Variants in SPTLC1 observed in about 807,000 individuals in gnomAD.
SPTLC1 encodes the protein serine palmitoyltransferase 1.
A neutral mutation model predicts 68.9 loss-of-function variants in SPTLC1; 55 were observed. That is an observed-to-expected ratio of 0.80 (90% CI 0.64 to 1.00). The LOEUF (loss-of-function observed/expected upper bound fraction) is 1.00. SPTLC1 is among the 50% of genes least tolerant of loss of function. SPTLC1 has a pLI of 0.00. For missense variants in SPTLC1, 449 were observed against 573.1 expected (o/e 0.78, Z 2.21); for synonymous variants, 197 against 201.6 (o/e 0.98, Z 0.19).
chr9:92,111,049 C>T (rs938893805), intron 2 of SPTLC1: 1 of 152,164 alleles, frequency 6.6e-6, no homozygotes, highest in African/African-American at 2.4e-5. Flanking sequence ...AACATCACCT[C>T]TTCTAATCCA....
chr9:92,037,506 CG>C (rs924429538), intron 13 of SPTLC1, among the ~76,000 whole-genome samples: 3 of 152,170 alleles, frequency 2.0e-5, no homozygotes, highest in Non-Finnish European at 4.4e-5. Flanking sequence ...TCCCACTGCC[CG>C]TCCTGAGTCC....
chr9:92,075,450 A>G (rs1473612364), intron 5 of SPTLC1, among the ~76,000 whole-genome samples: 1 of 152,158 alleles, frequency 6.6e-6, no homozygotes, highest in Non-Finnish European at 1.5e-5. Context: ...AAGGCCCTAG[A>G]GGCAACCCCT....
intron 3 of SPTLC1, among the ~76,000 whole-genome samples, chr9:92,088,272 T>C (rs1290438734): frequency 6.6e-6 from 1 of 152,242 alleles, no homozygotes; most frequent in Non-Finnish European, 1.5e-5. Context: ...GCCCACTGTC[T>C]GGCACTCCCT....
chr9:92,062,323 T>C (rs1834135725), intron 6 of SPTLC1, among the ~76,000 whole-genome samples: 1 of 151,958 alleles, frequency 6.6e-6, no homozygotes, highest in Non-Finnish European at 1.5e-5. Context: ...AACTTAGTAA[T>C]CCTAAATATG....
At chr9:92,067,868 T>A in intron 6 of SPTLC1, 98 bp downstream of exon 6, 1 of 1,424,864 alleles carries the variant, frequency 7.0e-7, no homozygotes, top group Non-Finnish European at 9.8e-7. Context: ...AAAAGCAGCA[T>A]TATTTTATGC....
chr9:92,091,939 G>C (rs1326099486), intron 3 of SPTLC1, among the ~76,000 whole-genome samples: 1 of 152,150 alleles, frequency 6.6e-6, no homozygotes, highest in Non-Finnish European at 1.5e-5. Context: ...TTAGAGATAA[G>C]GGACATTCAA....
chr9:92,031,361 A>G lies in SPTLC1; in HGVS notation c.*1104T>C, dbSNP rs1289247440. 6 of 152,682 alleles carry G rather than the reference A, an allele frequency of 3.9e-5. No homozygotes were observed. Among genetic ancestry groups the G allele is most frequent in the South Asian group, 2.1e-4 (1 of 4,826 alleles). The allele number at this position is 152,682 out of a possible 1,614,324, so 9.5% of individuals were successfully genotyped here. On this transcript the variant is annotated 3_prime_UTR_variant, in exon 15 of 15. Transcript: ENST00000262554. ...ATAAGCACAGGTTATAAAAATCACA[A>G]TTTTATTCTTCTACCTTTAACAAGA...
chr9:92,071,222 T>C (rs1170971343), intron 5 of SPTLC1, among the ~76,000 whole-genome samples: 7 of 134,572 alleles, frequency 5.2e-5, no homozygotes, highest in African/African-American at 1.9e-4. Context: ...AAACCCTATC[T>C]CTACTAAAAA....
rs377526418 is a variant in SPTLC1 at position 92,047,233 on chromosome 9, C to T, written c.1020G>A (p.Ser340=). The change falls in exon 11 of 15, where the codon TCG becomes TCA. Residue 340 remains serine (S), a synonymous_variant. Coordinates refer to ENST00000262554, the MANE Select transcript of SPTLC1 (RefSeq NM_006415.4). ...LSGQGYCFSA[S]LPPLLAAAAI... is the part of the protein sequence containing the mutation. Reference sequence around the variant, plus strand: ...CTGCAGCAGCTAACAGGGGAGGTAACGAAGCTGAAAAGCAGTATCCCTGGC... The same window carrying T: ...CTGCAGCAGCTAACAGGGGAGGTAATGAAGCTGAAAAGCAGTATCCCTGGC... 1.5e-5 allele frequency: 25 copies of T among 1,613,928 alleles called. No homozygotes were observed. In the African/African-American group the frequency reaches 2.0e-4, roughly 13 times the overall value.
At chr9:92,090,452 T>A (rs1374787054) in intron 3 of SPTLC1, among the ~76,000 whole-genome samples, 1 of 151,722 alleles carries the variant, frequency 6.6e-6, no homozygotes. Context: ...CTACTAAAAA[T>A]ACAAAAAATA....
chr9:92,059,347 G>A (rs990004794), intron 6 of SPTLC1, 39 bp from the exon 7 acceptor site: 6 of 1,611,672 alleles, frequency 3.7e-6, no homozygotes, highest in Non-Finnish European at 5.1e-6. Flanking sequence ...GGTTTAAAGG[G>A]TCTTGTCAAC....
intron 3 of SPTLC1, among the ~76,000 whole-genome samples, chr9:92,086,966 T>G (rs1312167289): frequency 6.6e-6 from 1 of 152,238 alleles, no homozygotes; most frequent in African/African-American, 2.4e-5. Flanking sequence ...TTCTCTAAAC[T>G]TCCCTTCTCA....
chr9:92,110,139 C>A (rs1382612030), intron 2 of SPTLC1: 1 of 152,230 alleles, frequency 6.6e-6, no homozygotes, highest in Admixed American at 6.5e-5. Flanking sequence ...TTCCAATCAA[C>A]TAGTTTCGAC....
chr9:92,057,672 A>T (rs967038664), intron 7 of SPTLC1, among the ~76,000 whole-genome samples: 1 of 152,210 alleles, frequency 6.6e-6, no homozygotes, highest in Non-Finnish European at 1.5e-5. Flanking sequence ...GGGGATAAAA[A>T]ACAATTCATG....
chr9:92,084,724 C>T (rs1351579011), intron 3 of SPTLC1, among the ~76,000 whole-genome samples: 4 of 151,762 alleles, frequency 2.6e-5, no homozygotes, highest in East Asian at 3.9e-4. Flanking sequence ...TGTCTCTGCC[C>T]AGCTTTGGTA....
intron 11 of SPTLC1, 141 bp from the exon 12 acceptor site, chr9:92,046,194 T>C: frequency 2.6e-6 from 2 of 771,716 alleles, no homozygotes; most frequent in Non-Finnish European, 4.3e-6. Flanking sequence ...CAAGAACCCA[T>C]ACTCCCCTGA....
At chr9:92,036,592 C>G (rs1833148934) in intron 13 of SPTLC1, among the ~76,000 whole-genome samples, 1 of 152,214 alleles carries the variant, frequency 6.6e-6, no homozygotes, top group South Asian at 2.1e-4. Context: ...AACACCAGCG[C>G]ATGCAGCTCA....
At chr9:92,055,624 AGT>A (rs777218703) in intron 7 of SPTLC1, 130 bp from the exon 8 acceptor site, 107 of 929,012 alleles carry the variant, frequency 1.2e-4, no homozygotes, top group Non-Finnish European at 1.7e-4. Flanking sequence ...TTGAAAGCTC[AGT>A]GTTTGTGATG....
chr9:92,076,524 C>T (rs1350843339), intron 5 of SPTLC1, among the ~76,000 whole-genome samples: 1 of 152,170 alleles, frequency 6.6e-6, no homozygotes, highest in Non-Finnish European at 1.5e-5. Context: ...CTCCCTGCCT[C>T]TCAAGCTTAC....
Sources: gnomAD v4.1 joint callset for allele counts (sites outside exome capture counted in the v4.1 genomes callset) on GRCh38, gnomAD v4.1.1 for gene constraint, MANE v1.5 for transcripts, NCBI Gene and HGNC (gene_info 2026-07-23, HGNC 2026-07-21) for gene names.